TRIM54: variants seen among roughly 807,000 people sequenced by gnomAD.
TRIM54 encodes tripartite motif-containing protein 54.
TRIM54 carries 40 observed loss-of-function variants against 42.0 expected under a neutral mutation model. The ratio of observed to expected loss-of-function variants is 0.95; its 90% confidence interval spans 0.74 to 1.24. TRIM54 has a LOEUF of 1.24. Among genes scored for constraint, TRIM54 ranks in the 50% most tolerant of loss-of-function variants. The pLI is 0.00. For synonymous variants in TRIM54, 199 were observed against 194.9 expected (o/e 1.02, Z -0.17); for missense variants, 485 against 480.3 (o/e 1.01, Z -0.09).
intron 3 of TRIM54, among the ~76,000 whole-genome samples, chr2:27,301,733 C>T (rs1679042748): frequency 6.6e-6 from 1 of 152,080 alleles, no homozygotes; most frequent in Non-Finnish European, 1.5e-5. Context: ...CTTAGAATGC[C>T]TTAACCATCT....
intron 1 of TRIM54, among the ~76,000 whole-genome samples, chr2:27,284,435 GTC>G (rs1678500604): frequency 6.6e-6 from 1 of 151,960 alleles, no homozygotes; most frequent in South Asian, 2.1e-4. Flanking sequence ...GCACTCTGTG[GTC>G]TCTCCTGCCA....
At chr2:27,297,133 A>G (rs1292437923) in intron 1 of TRIM54, among the ~76,000 whole-genome samples, 1 of 152,206 alleles carries the variant, frequency 6.6e-6, no homozygotes, top group African/African-American at 2.4e-5. Flanking sequence ...GTCAGGGTAC[A>G]ATAAGCAGTG....
At chr2:27,289,657 C>T (rs538750521) in intron 1 of TRIM54, among the ~76,000 whole-genome samples, 23 of 151,528 alleles carry the variant, frequency 1.5e-4, no homozygotes, top group African/African-American at 4.4e-4. Context: ...GATAAGCATG[C>T]GGTACATAAA....
chr2:27,295,598 G>T (rs1035270854), intron 1 of TRIM54, among the ~76,000 whole-genome samples: 1 of 152,140 alleles, frequency 6.6e-6, no homozygotes, highest in African/African-American at 2.4e-5. Flanking sequence ...GAGCCAGCGC[G>T]CCTGGTCTCA....
At chr2:27,292,803 T>G (rs957959601) in intron 1 of TRIM54, among the ~76,000 whole-genome samples, 55 of 152,202 alleles carry the variant, frequency 3.6e-4, no homozygotes, top group Admixed American at 2.4e-3. Flanking sequence ...TATTTGTCCT[T>G]TTGTGTCTGG....
intron 3 of TRIM54, among the ~76,000 whole-genome samples, chr2:27,301,309 T>C (rs1440973306): frequency 6.6e-6 from 1 of 152,060 alleles, no homozygotes; most frequent in African/African-American, 2.4e-5. Flanking sequence ...CTGGCTAATT[T>C]TTGTATTTTT....
intron 3 of TRIM54, among the ~76,000 whole-genome samples, chr2:27,303,914 T>G (rs1325455954): frequency 2.0e-5 from 3 of 152,040 alleles, no homozygotes; most frequent in African/African-American, 7.2e-5. Context: ...TAATAGAATA[T>G]CAAAAACCAA....
chr2:27,304,847 T>G, intron 3 of TRIM54, 112 bp from the exon 4 acceptor site: 3 of 779,716 alleles, frequency 3.8e-6, no homozygotes, highest in Non-Finnish European at 6.4e-6. Flanking sequence ...TAGATGCCCT[T>G]ATGGGGGGTG....
rs1331495685 is a variant in TRIM54 at position 27,306,445 on chromosome 2, C to T, written c.992-11C>T. ...AGGGACTCCACCTCACCAGGCCTTC[C>T]TTGGGCTCAGGCGCTTCCGGGGAGG... On this transcript the variant is annotated splice_polypyrimidine_tract_variant and intron_variant, in intron 7 of 8. Transcript: ENST00000380075. The surrounding 1 kb of genome is among the most constrained non-coding windows in gnomAD (Gnocchi z 6.1). 1 of 1,603,338 alleles carries T rather than the reference C, an allele frequency of 6.2e-7. No individual in the cohort carries two copies. The highest frequency in any genetic ancestry group is 8.5e-7 in the Non-Finnish European group (1 of 1,175,094).
In TRIM54 at chr2:27,305,067, T is replaced by A. The variant is rs370786623; in HGVS notation, c.609+13T>A. On this transcript the variant is annotated intron_variant, in intron 4 of 8. Transcript: ENST00000380075. ...CCAGACTATCGAGGTGAGCCTGGGC[T>A]GGAGGGAGGGAGGAACAGCAACTGG... 98 of 1,611,146 alleles carry A rather than the reference T, an allele frequency of 6.1e-5. 2 individuals carry two copies. The African/African-American group carries it at 1.2e-3, about 19-fold the overall frequency.
rs529309149 is a variant in TRIM54, at chr2:27,286,641, A to G, written c.168+3742A>G. Among the ~76,000 whole-genome samples the G allele has an allele frequency of 2.6e-5, 4 of 152,262 alleles. No individual in the cohort carries two copies. The East Asian group carries it at 7.7e-4, about 29-fold the overall frequency. On this transcript the variant is annotated intron_variant, in intron 1 of 8. Transcript: ENST00000380075. ...GTGGGCACTTGTTTTTGAGCCTGCA[A>G]CCTGTTGTAATTTAACAGACAACCA...
intron 1 of TRIM54, among the ~76,000 whole-genome samples, chr2:27,290,010 T>G (rs9710901): frequency 0.23 from 34,237 of 151,256 alleles, 4,149 homozygotes; most frequent in Admixed American, 0.34. Context: ...TAGCTGGGAT[T>G]ACAGGTGCAA....
Position 27,307,105 on chromosome 2 carries a change from C to CT in TRIM54, c.*221dup. The CT allele has an allele frequency of 4.0e-6, 1 of 248,218 alleles. No homozygotes were observed. The highest frequency in any genetic ancestry group is 5.4e-5 in the South Asian group (1 of 18,426). The allele number at this position is 248,218 out of a possible 1,614,324, so 15.4% of individuals were successfully genotyped here. A position where few individuals can be genotyped will look rare whatever the true frequency, so the allele number is the denominator to read the frequency against. On this transcript the variant is annotated 3_prime_UTR_variant, in exon 9 of 9. Transcript: ENST00000380075. This position sits in a 1 kb window ranked among gnomAD's most constrained non-coding sequence, Gnocchi z 6.9. ...TGCCCTTCCCAGAACCTGAGACCGT[C>CT]TGGGGGGCGGAAGCCAAATGAACCC...
intron 1 of TRIM54, among the ~76,000 whole-genome samples, chr2:27,284,934 A>C (rs1226665476): frequency 6.6e-6 from 1 of 152,178 alleles, no homozygotes; most frequent in East Asian, 1.9e-4. Context: ...TCTCTATCCA[A>C]GCACACTGTT....
chr2:27,297,980 C>CAAAAAA (rs60106105), intron 1 of TRIM54, among the ~76,000 whole-genome samples: 2 of 56,888 alleles, frequency 3.5e-5, no homozygotes, highest in Non-Finnish European at 3.5e-5. Context: ...GAACCTGTCT[C>CAAAAAA]AAAAAAAAAA....
chr2:27,282,913 A>T lies in TRIM54; in HGVS notation c.168+14A>T. The T allele has an allele frequency of 6.2e-7, 1 of 1,604,420 alleles. No homozygotes were observed. The highest frequency in any genetic ancestry group is 8.5e-7 in the Non-Finnish European group (1 of 1,175,192). On this transcript the variant is annotated intron_variant, in intron 1 of 8. Transcript: ENST00000380075. Reference sequence around the variant, plus strand: ...GACGTCTTCCAGGTGGGTGCCAGGGACGGGGCAGGGCCAGGTAAAGCAATG... The same window carrying T: ...GACGTCTTCCAGGTGGGTGCCAGGGTCGGGGCAGGGCCAGGTAAAGCAATG...
intron 1 of TRIM54, among the ~76,000 whole-genome samples, chr2:27,287,439 T>G (rs1678604528): frequency 6.6e-6 from 1 of 152,056 alleles, no homozygotes; most frequent in Non-Finnish European, 1.5e-5. Context: ...ACTCCTGGAC[T>G]CAAAGGATCC....
rs1341730149 is a variant in TRIM54 at position 27,306,724 on chromosome 2, TAC to T, written c.*2-160_*2-159del. On this transcript the variant is annotated intron_variant, in intron 8 of 8. Coordinates refer to ENST00000380075, the MANE Select transcript of TRIM54 (RefSeq NM_187841.3). This position sits in a 1 kb window ranked among gnomAD's most constrained non-coding sequence, Gnocchi z 6.1. Reference sequence around the variant, plus strand: ...AGGCGCGCCCCCTAGGGCGGAAAAGTACACTTTCCTCCTCACCCGCTGTTCCT... The same window carrying T: ...AGGCGCGCCCCCTAGGGCGGAAAAGTACTTTCCTCCTCACCCGCTGTTCCT... Among the ~76,000 whole-genome samples, 1 of 152,046 alleles carries T rather than the reference TAC, an allele frequency of 6.6e-6. No homozygotes were observed. The highest frequency in any genetic ancestry group is 6.5e-5 in the Admixed American group (1 of 15,280).
intron 1 of TRIM54, among the ~76,000 whole-genome samples, chr2:27,297,575 C>T (rs891921900): frequency 6.6e-6 from 1 of 152,198 alleles, no homozygotes; most frequent in Non-Finnish European, 1.5e-5. Context: ...GTCCTTAGGA[C>T]AGGATGCATT....
Sources: gnomAD v4.1 joint callset for allele counts (sites outside exome capture counted in the v4.1 genomes callset) on GRCh38, gnomAD v4.1.1 for gene constraint, Gnocchi (gnomAD v3.1) non-coding constraint, MANE v1.5 for transcripts, NCBI Gene and HGNC (gene_info 2026-07-23, HGNC 2026-07-21) for gene names.